PTPRN2: variants seen among roughly 807,000 people sequenced by gnomAD.
PTPRN2 encodes protein tyrosine phosphatase receptor type N2, also known as receptor-type tyrosine-protein phosphatase N2.
PTPRN2 carries 74 observed loss-of-function variants against 118.8 expected under a neutral mutation model. The ratio of observed to expected loss-of-function variants is 0.62; its 90% CI spans 0.52 to 0.76. The LOEUF is 0.76. PTPRN2 is among the 30% of genes least tolerant of loss of function. PTPRN2 has a pLI of 0.00. For synonymous variants in PTPRN2, 641 were observed against 608.0 expected (o/e 1.05, Z -0.80); for missense variants, 1,481 against 1,394.4 (o/e 1.06, Z -0.99).
intron 12 of PTPRN2, among the ~76,000 whole-genome samples, chr7:157,850,723 C>G (rs1180077433): frequency 6.6e-6 from 1 of 152,188 alleles, no homozygotes; most frequent in African/African-American, 2.4e-5. Context: ...TCCTGGGAGT[C>G]CTGCAGGGCA....
At chr7:157,753,293 A>T (rs1801591379) in intron 12 of PTPRN2, among the ~76,000 whole-genome samples, 1 of 151,988 alleles carries the variant, frequency 6.6e-6, no homozygotes, top group South Asian at 2.1e-4. Flanking sequence ...TGCCCACTGG[A>T]CCCCACAGAG....
chr7:157,947,909 T>A (rs1800583831), intron 11 of PTPRN2, among the ~76,000 whole-genome samples: 1 of 152,230 alleles, frequency 6.6e-6, no homozygotes. Flanking sequence ...ATGTATTTAA[T>A]GTGCTGAAAG....
chr7:158,048,117 G>T (rs1028033226), intron 11 of PTPRN2, among the ~76,000 whole-genome samples: 1 of 145,750 alleles, frequency 6.9e-6, no homozygotes, highest in Non-Finnish European at 1.5e-5. Flanking sequence ...ACTCATACAT[G>T]AATACACATA....
At chr7:158,061,472 C>T (rs575544051) in intron 11 of PTPRN2, among the ~76,000 whole-genome samples, 97 of 152,022 alleles carry the variant, frequency 6.4e-4, no homozygotes, top group African/African-American at 1.9e-3. Flanking sequence ...AGAAATGGAC[C>T]GTGCCGCCAA....
At position 157,584,659 on chromosome 7, in the gene PTPRN2, C is replaced by T. The variant is rs996114266; in HGVS notation, c.2497-6519G>A. 4.6e-5 allele frequency among the ~76,000 whole-genome samples: 7 copies of T among 152,224 alleles called. No homozygotes were observed. The East Asian group carries it at 5.8e-4, about 13-fold the overall frequency. ...CTCATTTCTGTTGTGAGCGTCCTCT[C>T]GTGGGCTGAACAGAGGTTTAGACTT... On this transcript the variant is annotated intron_variant, in intron 17 of 22. Coordinates refer to ENST00000389418, the MANE Select transcript of PTPRN2 (RefSeq NM_002847.5).
intron 2 of PTPRN2, among the ~76,000 whole-genome samples, chr7:158,426,011 A>G (rs866649575): frequency 0.028 from 360 of 12,746 alleles, 2 homozygotes; most frequent in South Asian, 0.05. Flanking sequence ...GGAAAGACGC[A>G]GAGTCCGAGA....
In PTPRN2 at chr7:158,366,245, C is replaced by T. The variant is rs550705453; in HGVS notation, c.164-49313G>A. On this transcript the variant is annotated intron_variant, in intron 2 of 22. Coordinates refer to ENST00000389418, the MANE Select transcript of PTPRN2 (RefSeq NM_002847.5). ...CCTAGAAGCTGCAGCCCAATGCACG[C>T]GTGCACATGCACACACACCCACACA... Among the ~76,000 whole-genome samples, 12 of 146,854 alleles carry T rather than the reference C, an allele frequency of 8.2e-5. 2 individuals are homozygous for T. In the East Asian group the frequency reaches 2.5e-3, roughly 31 times the overall value.
chr7:158,224,168 G>T (rs1828579800), intron 3 of PTPRN2, among the ~76,000 whole-genome samples: 1 of 152,242 alleles, frequency 6.6e-6, no homozygotes, highest in East Asian at 1.9e-4. Context: ...ACATAATAAT[G>T]ATGTCAACTC....
At chr7:157,898,383 C>G (rs1797252324) in intron 12 of PTPRN2, among the ~76,000 whole-genome samples, 1 of 152,208 alleles carries the variant, frequency 6.6e-6, no homozygotes, top group Admixed American at 6.5e-5. Context: ...AGGAAGGAAG[C>G]ACCTATTTTC....
chr7:158,198,242 G>A (rs1321062049), intron 4 of PTPRN2, among the ~76,000 whole-genome samples: 1 of 152,178 alleles, frequency 6.6e-6, no homozygotes, highest in Non-Finnish European at 1.5e-5. Context: ...GCTGCAGTAT[G>A]TTACGGCAAT....
chr7:158,478,767 G>A (rs889896389), intron 2 of PTPRN2, among the ~76,000 whole-genome samples: 4 of 152,178 alleles, frequency 2.6e-5, no homozygotes, highest in African/African-American at 7.2e-5. Flanking sequence ...GTACAGAGAT[G>A]TAATTCAGTG....
At chr7:158,314,027 T>C (rs115861226) in intron 3 of PTPRN2, among the ~76,000 whole-genome samples, 3,555 of 152,242 alleles carry the variant, frequency 0.023, 147 homozygotes, top group African/African-American at 0.079. Flanking sequence ...GGAGCCCTTG[T>C]GGCACTAGCT....
chr7:158,040,736 C>CTTTTTTTTTTTTTTT (rs58192875), intron 11 of PTPRN2, among the ~76,000 whole-genome samples: 1 of 142,206 alleles, frequency 7.0e-6, no homozygotes. Flanking sequence ...TTTTTTCTTT[C>CTTTTTTTTTTTTTTT]TTTTTTTTTT....
chr7:157,835,485 GA>G (rs1807870161), intron 12 of PTPRN2, among the ~76,000 whole-genome samples: 2 of 152,182 alleles, frequency 1.3e-5, no homozygotes, highest in South Asian at 4.1e-4. Context: ...AAGCACAAAA[GA>G]TGCTAAAAGA....
At chr7:157,758,052 GGGGGACGCGGTCTCGGGACTGACGGCGCA>G (rs942853720) in intron 12 of PTPRN2, among the ~76,000 whole-genome samples, 25 of 152,348 alleles carry the variant, frequency 1.6e-4, no homozygotes, top group East Asian at 3.9e-4. Flanking sequence ...TTGCCGGTGC[GGGGGACGCGGTCTCGGGACTGACGGCGCA>G]GGGGACGCGC....
intron 2 of PTPRN2, among the ~76,000 whole-genome samples, chr7:158,407,184 T>C (rs565725419): frequency 0.34 from 10,044 of 29,748 alleles, 1,001 homozygotes; most frequent in East Asian, 0.53. Context: ...TCCTGCGTCC[T>C]GGGTCCTGGG....
At chr7:158,533,014 A>G (rs1393411845) in intron 1 of PTPRN2, among the ~76,000 whole-genome samples, 1 of 152,238 alleles carries the variant, frequency 6.6e-6, no homozygotes, top group Non-Finnish European at 1.5e-5. Flanking sequence ...ACAAGCAAAC[A>G]GAACAGAAAT....
intron 15 of PTPRN2, among the ~76,000 whole-genome samples, chr7:157,605,358 T>C (rs1801941185): frequency 6.6e-6 from 1 of 152,198 alleles, no homozygotes; most frequent in Admixed American, 6.5e-5. Context: ...AGTTTGGAGA[T>C]ACCAGGAACC....
At chr7:157,745,200 C>T (rs549170879) in intron 12 of PTPRN2, among the ~76,000 whole-genome samples, 61 of 152,300 alleles carry the variant, frequency 4.0e-4, no homozygotes, top group African/African-American at 1.1e-3. Flanking sequence ...CAGTCAGCAA[C>T]GGTGGCCCCT....
Sources: gnomAD v4.1 joint callset for allele counts (sites outside exome capture counted in the v4.1 genomes callset) on GRCh38, gnomAD v4.1.1 for gene constraint, MANE v1.5 for transcripts, NCBI Gene and HGNC (gene_info 2026-07-23, HGNC 2026-07-21) for gene names.